The following SKIC8 variants were observed in gnomAD, a reference collection of about 807,000 sequenced individuals.
SKIC8 encodes the protein SKI8 subunit of superkiller complex.
the SKIC8 span, chr15:78,291,654 C>T: frequency 6.6e-6 from 1 of 152,194 alleles, no homozygotes; most frequent in African/African-American, 2.4e-5. Flanking sequence ...ACAACCCAGC[C>T]TCTTTAAAAA....
At chr15:78,289,257 T>A in the SKIC8 span, among the ~76,000 whole-genome samples, 2 of 151,854 alleles carry the variant, frequency 1.3e-5, no homozygotes, top group Non-Finnish European at 2.9e-5. Flanking sequence ...CTCAAAAATT[T>A]TAAAAACTAG....
the SKIC8 span, chr15:78,290,175 A>C: frequency 6.8e-7 from 1 of 1,461,862 alleles, no homozygotes; most frequent in Non-Finnish European, 9.1e-7. Flanking sequence ...AGTTTTACCA[A>C]AGGATACATC....
the SKIC8 span, chr15:78,285,201 C>T: frequency 6.4e-7 from 1 of 1,551,040 alleles, no homozygotes. Context: ...AAAAGAAAAT[C>T]TCTTTGGTAC....
the SKIC8 span, chr15:78,285,203 CTT>C: frequency 1.3e-6 from 2 of 1,560,906 alleles, no homozygotes; most frequent in Non-Finnish European, 1.8e-6. Flanking sequence ...AAGAAAATCT[CTT>C]TGGTACAATG....
At chr15:78,292,859 T>A in the SKIC8 span, 4 of 1,555,532 alleles carry the variant, frequency 2.6e-6, no homozygotes, top group African/African-American at 1.4e-5. Context: ...AAATTCTGGG[T>A]CCCTGTGACT....
At chr15:78,287,688 G>A in the SKIC8 span, among the ~76,000 whole-genome samples, 1 of 152,174 alleles carries the variant, frequency 6.6e-6, no homozygotes, top group African/African-American at 2.4e-5. Context: ...TACCTCAGTG[G>A]GGAATAGGAG....
At chr15:78,296,263 G>A in the SKIC8 span, among the ~76,000 whole-genome samples, 3 of 152,030 alleles carry the variant, frequency 2.0e-5, no homozygotes, top group Non-Finnish European at 4.4e-5. Context: ...AAAATTAGCT[G>A]GGTGTAGTGG....
the SKIC8 span, chr15:78,293,486 G>T: frequency 2.4e-5 from 12 of 494,492 alleles, no homozygotes; most frequent in South Asian, 3.1e-4. Context: ...TGTTTACCAG[G>T]CGACAAGGTA....
At chr15:78,298,695 A>G in the SKIC8 span, among the ~76,000 whole-genome samples, 91,866 of 152,078 alleles carry the variant, frequency 0.6, 27,953 homozygotes, top group Admixed American at 0.68. Context: ...CAATAAACCT[A>G]TGTAAAGTTG....
chr15:78,293,714 C>A, the SKIC8 span, among the ~76,000 whole-genome samples: 1 of 152,174 alleles, frequency 6.6e-6, no homozygotes, highest in African/African-American at 2.4e-5. Context: ...AAAGAAAATA[C>A]CTACTATAGC....
the SKIC8 span, chr15:78,295,480 C>T: frequency 1.4e-6 from 1 of 694,484 alleles, no homozygotes; most frequent in African/African-American, 1.8e-5. Context: ...TTGGATGAAC[C>T]AATCCTCCTC....
chr15:78,294,923 G>A, the SKIC8 span: 1 of 1,613,992 alleles, frequency 6.2e-7, no homozygotes, highest in Non-Finnish European at 8.5e-7. Context: ...CAGATGAATT[G>A]CTTAAACAGG....
At chr15:78,295,327 C>A in the SKIC8 span, 2 of 562,592 alleles carry the variant, frequency 3.6e-6, no homozygotes, top group Non-Finnish European at 3.2e-6. Context: ...ACACAGCCTG[C>A]CTAACCGTCT....
the SKIC8 span, chr15:78,292,502 T>C: frequency 7.0e-5 from 85 of 1,212,712 alleles, no homozygotes; most frequent in Non-Finnish European, 1.0e-4. Flanking sequence ...ATGCACACAT[T>C]ATCACCCCTC....
chr15:78,288,815 C>G, the SKIC8 span: 2 of 374,782 alleles, frequency 5.3e-6, no homozygotes, highest in Admixed American at 7.9e-5. Context: ...CACAACAGTA[C>G]GCATAATAAA....
chr15:78,294,946 C>T, the SKIC8 span: 5 of 1,614,012 alleles, frequency 3.1e-6, no homozygotes, highest in Admixed American at 1.7e-5. Context: ...GGCTACTTAC[C>T]TTGCTCTTGT....
the SKIC8 span, chr15:78,293,253 C>T: frequency 2.2e-5 from 35 of 1,613,926 alleles, no homozygotes; most frequent in Non-Finnish European, 3.0e-5. Context: ...AAGCAACTGA[C>T]CAAATGGCAT....
At chr15:78,287,965 C>G in the SKIC8 span, among the ~76,000 whole-genome samples, 1 of 152,128 alleles carries the variant, frequency 6.6e-6, no homozygotes, top group African/African-American at 2.4e-5. Context: ...CCAGCTACAG[C>G]CCATGGCTCC....
At chr15:78,289,550 C>T in the SKIC8 span, 1,257,421 of 1,264,548 alleles carry the variant, frequency 0.99, 625,425 homozygotes, top group East Asian at 1. Flanking sequence ...AATGGCATTT[C>T]AATGAAAGAA....
Sources: gnomAD v4.1 joint callset for allele counts (sites outside exome capture counted in the v4.1 genomes callset) on GRCh38, gnomAD v4.1.1 for gene constraint, MANE v1.5 for transcripts, NCBI Gene and HGNC (gene_info 2026-07-23, HGNC 2026-07-21) for gene names.